The following CTNNA2 variants were observed in gnomAD, a reference collection of about 807,000 sequenced individuals.
CTNNA2 encodes catenin alpha 2.
Under a neutral mutation model 101.0 loss-of-function variants are expected in CTNNA2, and 42 were observed. The ratio of observed to expected loss-of-function variants is 0.42; its 90% confidence interval spans 0.32 to 0.54. CTNNA2 has a LOEUF of 0.54. Among genes scored for constraint, CTNNA2 ranks in the 20% least tolerant of loss-of-function variants. The probability of loss-of-function intolerance (pLI) is 0.14; values close to 1 mark genes in which losing one functional copy is unlikely to be tolerated. For synonymous variants in CTNNA2, 450 were observed against 456.4 expected, an observed-to-expected ratio of 0.99 and a Z score of 0.18; for missense variants, 871 against 1,223.1, an observed-to-expected ratio of 0.71 and a Z score of 4.29.
intron 7 of CTNNA2, among the ~76,000 whole-genome samples, chr2:80,235,603 T>C (rs1221531748): frequency 6.6e-6 from 1 of 152,134 alleles, no homozygotes; most frequent in African/African-American, 2.4e-5. Flanking sequence ...AGTGAAAGTT[T>C]ATTAGAAGAA....
intron 7 of CTNNA2, among the ~76,000 whole-genome samples, chr2:80,164,683 C>T (rs973216224): frequency 6.6e-6 from 1 of 150,802 alleles, no homozygotes; most frequent in Non-Finnish European, 1.5e-5. Context: ...CTTTCCTTTC[C>T]TTTCTTTCCT....
At chr2:80,042,884 G>A (rs1345026560) in intron 7 of CTNNA2, among the ~76,000 whole-genome samples, 6 of 152,124 alleles carry the variant, frequency 3.9e-5, no homozygotes. Context: ...GTAAATTAGG[G>A]TCAGTTTGAG....
At chr2:79,248,852 A>T (rs1254194943) in intron 2 of CTNNA2, among the ~76,000 whole-genome samples, 3 of 152,204 alleles carry the variant, frequency 2.0e-5, no homozygotes, top group Admixed American at 2.0e-4. Flanking sequence ...ACTTAACCCC[A>T]GGCTTTTCCC....
intron 2 of CTNNA2, among the ~76,000 whole-genome samples, chr2:79,255,840 A>G (rs1439321912): frequency 6.6e-6 from 1 of 152,196 alleles, no homozygotes; most frequent in Non-Finnish European, 1.5e-5. Context: ...AAAGTTTCTT[A>G]GCTTTATTCC....
intron 8 of CTNNA2, among the ~76,000 whole-genome samples, chr2:80,403,083 A>G (rs1418453058): frequency 6.6e-6 from 1 of 152,220 alleles, no homozygotes; most frequent in African/African-American, 2.4e-5. Context: ...TCCATGATGA[A>G]CAAAACATCA....
At chr2:79,443,181 T>C (rs1203194102) in intron 4 of CTNNA2, among the ~76,000 whole-genome samples, 1 of 152,220 alleles carries the variant, frequency 6.6e-6, no homozygotes, top group Middle Eastern at 3.4e-3. Flanking sequence ...GACAAAATTA[T>C]GGAGGCTGAA....
rs1242753322 is a variant in CTNNA2 at position 79,755,048 on chromosome 2, G to A, written c.298+10466G>A. 2.2e-4 allele frequency among the ~76,000 whole-genome samples: 33 copies of A among 151,928 alleles called. 1 individual carries two copies. The highest frequency in any genetic ancestry group is 4.2e-4 in the South Asian group (2 of 4,802). ...TTTTAAAATGATACTATTCACAGCC[G>A]GGTACAGTGGCTCATACCTGTAATC... On this transcript the variant is annotated intron_variant, in intron 3 of 18. Coordinates refer to ENST00000402739, the MANE Select transcript of CTNNA2 (RefSeq NM_001282597.3).
intron 2 of CTNNA2, among the ~76,000 whole-genome samples, chr2:79,280,685 AAGAG>A (rs1303364237): frequency 2.3e-5 from 2 of 88,446 alleles, no homozygotes; most frequent in Non-Finnish European, 4.6e-5. Flanking sequence ...GAGAGAGAGA[AAGAG>A]AGAGAGAGAG....
chr2:79,720,899 CTT>C (rs1230047842), intron 2 of CTNNA2, among the ~76,000 whole-genome samples: 1 of 151,982 alleles, frequency 6.6e-6, no homozygotes, highest in Non-Finnish European at 1.5e-5. Context: ...TTATTTCCCA[CTT>C]TGTTTTAACA....
intron 3 of CTNNA2, among the ~76,000 whole-genome samples, chr2:79,835,619 C>A (rs774174058): frequency 1.4e-5 from 2 of 146,478 alleles, no homozygotes; most frequent in African/African-American, 5.1e-5. Context: ...AGATGTGAAG[C>A]CTAAAGGATC....
At chr2:79,752,042 T>A (rs1240117877) in intron 3 of CTNNA2, among the ~76,000 whole-genome samples, 1 of 152,118 alleles carries the variant, frequency 6.6e-6, no homozygotes, top group African/African-American at 2.4e-5. Flanking sequence ...GGGAAGTCTT[T>A]AGGAGTGACA....
chr2:80,045,196 C>T (rs1386471059), intron 7 of CTNNA2, among the ~76,000 whole-genome samples: 1 of 152,146 alleles, frequency 6.6e-6, no homozygotes, highest in Non-Finnish European at 1.5e-5. Context: ...TACTGTGCCC[C>T]TTCTGTATCT....
At chr2:79,443,903 A>ACTCTCACTCTCTCTCTCTCTCTCTCT (rs1678802727) in intron 4 of CTNNA2, among the ~76,000 whole-genome samples, 1 of 141,804 alleles carries the variant, frequency 7.1e-6, no homozygotes, top group East Asian at 2.3e-4. Context: ...TTGTATACAT[A>ACTCTCACTCTCTCTCTCTCTCTCTCT]CTCTCTCTCT....
At chr2:79,637,351 A>G (rs1489943436) in intron 1 of CTNNA2, among the ~76,000 whole-genome samples, 1 of 152,166 alleles carries the variant, frequency 6.6e-6, no homozygotes, top group Non-Finnish European at 1.5e-5. Flanking sequence ...AAGAAGAACC[A>G]AGCCCCATCT....
intron 9 of CTNNA2, among the ~76,000 whole-genome samples, chr2:80,537,701 C>G (rs987301536): frequency 1.3e-5 from 2 of 152,018 alleles, no homozygotes; most frequent in African/African-American, 4.8e-5. Flanking sequence ...TCAAGCAACT[C>G]TCCTGCCTCA....
intron 7 of CTNNA2, among the ~76,000 whole-genome samples, chr2:79,968,661 A>T (rs1690254158): frequency 6.6e-6 from 1 of 152,150 alleles, no homozygotes; most frequent in African/African-American, 2.4e-5. Flanking sequence ...AAACAACACA[A>T]AAAACAAAAT....
chr2:80,484,404 A>C (rs920366651), intron 9 of CTNNA2, among the ~76,000 whole-genome samples: 7 of 152,176 alleles, frequency 4.6e-5, no homozygotes, highest in African/African-American at 1.4e-4. Flanking sequence ...GGGACTGAAA[A>C]CAGTGTCTAG....
chr2:79,192,280 T>A (rs1386143057), intron 1 of CTNNA2, among the ~76,000 whole-genome samples: 1 of 152,190 alleles, frequency 6.6e-6, no homozygotes, highest in Non-Finnish European at 1.5e-5. Context: ...GATTTCATTT[T>A]CATTTCACAA....
intron 7 of CTNNA2, among the ~76,000 whole-genome samples, chr2:80,122,975 C>G (rs867414998): frequency 3.3e-5 from 5 of 152,158 alleles, no homozygotes; most frequent in African/African-American, 1.2e-4. Flanking sequence ...CAAAGCAAAA[C>G]TCATCAGCTT....
Sources: allele counts gnomAD v4.1 joint callset (sites outside exome capture counted in the v4.1 genomes callset), GRCh38; gene constraint gnomAD v4.1.1; transcripts MANE v1.5; gene names NCBI Gene and HGNC (gene_info 2026-07-23, HGNC 2026-07-21).